The following RIC1 variants were observed in gnomAD, a reference collection of about 807,000 sequenced individuals.
RIC1 encodes the protein guanine nucleotide exchange factor subunit RIC1.
A neutral mutation model predicts 169.0 loss-of-function variants in RIC1; 88 were observed. The ratio of observed to expected loss-of-function variants is 0.52; its 90% CI spans 0.44 to 0.62. The LOEUF (loss-of-function observed/expected upper bound fraction) is 0.62, where lower values mean the gene tolerates loss of function less well. RIC1 is among the 20% of genes least tolerant of loss of function. RIC1 has a pLI of 0.00. For missense variants in RIC1, 1,877 were observed against 1,725.5 expected (o/e 1.09, Z -1.56); for synonymous variants, 790 against 601.5 (o/e 1.31, Z -4.59).
chr9:5,709,571 A>T (rs1336470459), intron 3 of RIC1, among the ~76,000 whole-genome samples: 1 of 152,216 alleles, frequency 6.6e-6, no homozygotes, highest in Non-Finnish European at 1.5e-5. Flanking sequence ...ACACTGTTTC[A>T]TACATAGTAA....
intron 3 of RIC1, chr9:5,712,830 C>T (rs76664840): frequency 5.3e-4 from 80 of 152,202 alleles, no homozygotes; most frequent in African/African-American, 1.8e-3. Context: ...TAGTTGAACA[C>T]GAACCTGTAT....
intron 8 of RIC1, among the ~76,000 whole-genome samples, chr9:5,740,235 A>G (rs1824994366): frequency 6.6e-6 from 1 of 152,160 alleles, no homozygotes; most frequent in Admixed American, 6.5e-5. Flanking sequence ...AAATGCATTT[A>G]TTTTGCATAA....
chr9:5,651,558 C>CTTTTTTTT (rs58654916), intron 1 of RIC1, among the ~76,000 whole-genome samples: 98 of 107,850 alleles, frequency 9.1e-4, no homozygotes, highest in East Asian at 2.4e-3. Context: ...AGTCTTTAAT[C>CTTTTTTTT]TTTTTTTTTT....
chr9:5,644,633 G>C (rs1185446129), intron 1 of RIC1, among the ~76,000 whole-genome samples: 1 of 152,078 alleles, frequency 6.6e-6, no homozygotes, highest in African/African-American at 2.4e-5. Context: ...ATTTGCATAT[G>C]CCGCATTTCT....
intron 3 of RIC1, among the ~76,000 whole-genome samples, chr9:5,705,065 C>A (rs1173288387): frequency 6.6e-6 from 1 of 152,074 alleles, no homozygotes; most frequent in South Asian, 2.1e-4. Context: ...GTTACTGTAG[C>A]TTTGCAGTAG....
chr9:5,773,749 C>G (rs1827391722), intron 25 of RIC1, among the ~76,000 whole-genome samples: 2 of 152,220 alleles, frequency 1.3e-5, no homozygotes, highest in African/African-American at 4.8e-5. Flanking sequence ...TGCTTAGAAA[C>G]TTAAGCCTCA....
chr9:5,639,823 A>T (rs10758695), intron 1 of RIC1, among the ~76,000 whole-genome samples: 45,148 of 152,104 alleles, frequency 0.3, 7,923 homozygotes, highest in East Asian at 0.63. Context: ...TTTTCTCAGT[A>T]TATAATGACA....
At chr9:5,778,393 C>T (rs1423189890), downstream of RIC1, among the ~76,000 whole-genome samples, 2 of 152,170 alleles carry the variant, frequency 1.3e-5, no homozygotes, top group Non-Finnish European at 2.9e-5. Context: ...TTTCTTTCTC[C>T]TGCCAAACGG....
chr9:5,724,702 G>C (rs188907219), intron 6 of RIC1, among the ~76,000 whole-genome samples: 1 of 152,186 alleles, frequency 6.6e-6, no homozygotes. Context: ...TTTGTCATAA[G>C]TAGCTCTTAT....
intron 6 of RIC1, 25 bp from the exon 7 acceptor site, chr9:5,732,363 C>T (rs778970951): frequency 2.6e-6 from 4 of 1,555,312 alleles, no homozygotes; most frequent in Non-Finnish European, 3.5e-6. Context: ...ACTTTTTAAG[C>T]CTTAACTATT....
rs1827107352 is a variant in RIC1 at position 5,770,152 on chromosome 9, A to G, written c.3490A>G (p.Ile1164Val). The G allele has an allele frequency of 6.2e-7, 1 of 1,613,810 alleles. No individual in the cohort carries two copies. The highest frequency in any genetic ancestry group is 1.3e-5 in the African/African-American group (1 of 74,930). The part of the protein sequence containing the change: ...PFLNLEMDAG[I>V]SNIQRSQSWL... ...TTTGAACCTTGAGATGGATGCTGGC[A>G]TCTCCAACATCCAGCGAAGTCAGAG... The change falls in exon 23 of 26, where the codon ATC becomes GTC. Residue 1164 changes from isoleucine to valine, a missense_variant. Transcript: ENST00000414202.
In RIC1 at chr9:5,753,518, AT is replaced by A. The variant is rs746845932; in HGVS notation, c.1492-7del. The A allele has an allele frequency of 6.8e-3, 8,257 of 1,209,540 alleles. No individual in the cohort carries two copies. The highest frequency in any genetic ancestry group is 7.8e-3 in the South Asian group (503 of 64,318). The allele number at this position is 1,209,540 out of a possible 1,614,324, so 74.9% of individuals were successfully genotyped here. Reference sequence around the variant, plus strand: ...TATAGGTTTGCAAGGAAAAGTTCTTATTTTTTTTTTTAAACAGTTTTCAGCT... The same window carrying A: ...TATAGGTTTGCAAGGAAAAGTTCTTATTTTTTTTTTAAACAGTTTTCAGCT... On this transcript the variant is annotated splice_polypyrimidine_tract_variant and intron_variant, in intron 13 of 25. Coordinates refer to ENST00000414202, the MANE Select transcript of RIC1 (RefSeq NM_020829.4).
At position 5,772,666 on chromosome 9, in the gene RIC1, T is replaced by C; in HGVS notation, c.3719T>C (p.Leu1240Ser). 6.2e-7 allele frequency: 1 copy of C among 1,613,980 alleles called. No homozygotes were observed. Among genetic ancestry groups the C allele is most frequent in the Non-Finnish European group, 8.5e-7 (1 of 1,179,926 alleles). ...MVDENFSTLSLTQSELEHISM... is the reference protein window; with the variant it reads ...MVDENFSTLSSTQSELEHISM... ...GATGAAAATTTCTCTACACTCAGTTTAACTCAGTCAGAGCTGGAGCACATT... is the reference window on the plus strand; with the variant it reads ...GATGAAAATTTCTCTACACTCAGTTCAACTCAGTCAGAGCTGGAGCACATT... The change falls in exon 24 of 26, where the codon TTA (leucine) becomes TCA (serine). Residue 1240 changes from leucine (L) to serine (S), a missense_variant. Leu to Ser is a moderately radical substitution (Grantham distance 145, BLOSUM62 -2). Transcript: ENST00000414202.
intron 3 of RIC1, among the ~76,000 whole-genome samples, chr9:5,709,145 A>C (rs1394570915): frequency 6.6e-6 from 1 of 152,186 alleles, no homozygotes; most frequent in Non-Finnish European, 1.5e-5. Context: ...TTCAGAAATG[A>C]CACAAATCAC....
intron 2 of RIC1, among the ~76,000 whole-genome samples, chr9:5,664,214 C>A (rs1212001663): frequency 6.6e-6 from 1 of 152,062 alleles, no homozygotes; most frequent in Non-Finnish European, 1.5e-5. Context: ...TCGACACCAT[C>A]CTGGCCAACA....
At chr9:5,741,336 G>C (rs1299048103) in intron 8 of RIC1, among the ~76,000 whole-genome samples, 1 of 152,140 alleles carries the variant, frequency 6.6e-6, no homozygotes, top group African/African-American at 2.4e-5. Context: ...TCCTGCTTGA[G>C]ACTTAGGCTT....
chr9:5,777,815 T>C (rs1480509847), downstream of RIC1, among the ~76,000 whole-genome samples: 1 of 152,198 alleles, frequency 6.6e-6, no homozygotes, highest in East Asian at 1.9e-4. Flanking sequence ...CTTAATTGTA[T>C]TCTAATGATC....
At chr9:5,768,618 C>G (rs1379785379) in intron 21 of RIC1, among the ~76,000 whole-genome samples, 1 of 152,184 alleles carries the variant, frequency 6.6e-6, no homozygotes. Context: ...TCCTTAGTTT[C>G]TTTGATGTGC....
At chr9:5,765,890 CTATTTAA>C in intron 21 of RIC1, 92 bp downstream of exon 21, 24 of 1,442,278 alleles carry the variant, frequency 1.7e-5, no homozygotes, top group Non-Finnish European at 2.3e-5. Context: ...ATGGAAACAA[CTATTTAA>C]TCCAATTGCA....
Sources: gnomAD v4.1 joint callset for allele counts (sites outside exome capture counted in the v4.1 genomes callset) on GRCh38, gnomAD v4.1.1 for gene constraint, MANE v1.5 for transcripts, NCBI Gene and HGNC (gene_info 2026-07-23, HGNC 2026-07-21) for gene names.